Variants in PLXNA4 observed in about 807,000 individuals in gnomAD.
The protein encoded by PLXNA4 is plexin-A4.
In PLXNA4, 44 loss-of-function variants were observed where a neutral mutation model predicts 191.8. That is an observed-to-expected ratio of 0.23 (90% CI 0.18 to 0.29). The LOEUF (loss-of-function observed/expected upper bound fraction) is 0.29, where lower values mean the gene tolerates loss of function less well. Among genes scored for constraint, PLXNA4 ranks in the 10% least tolerant of loss-of-function variants. PLXNA4 has a pLI of 1.00. For missense variants in PLXNA4, 1,800 were observed against 2,488.8 expected, an observed-to-expected ratio of 0.72 and a Z score of 5.89; for synonymous variants, 1,082 against 1,009.5, an observed-to-expected ratio of 1.07 and a Z score of -1.36.
At chr7:132,619,056 T>C (rs1803210340) in intron 2 of PLXNA4, among the ~76,000 whole-genome samples, 2 of 152,192 alleles carry the variant, frequency 1.3e-5, no homozygotes, top group Non-Finnish European at 2.9e-5. Context: ...CTAGACAAGT[T>C]GTGGCTCAGA....
At position 132,131,852 on chromosome 7, in the gene PLXNA4, C is replaced by T. The variant is rs1020377242; in HGVS notation, c.5589+1197G>A. Among the ~76,000 whole-genome samples, 13 of 152,352 alleles carry T rather than the reference C, an allele frequency of 8.5e-5. No homozygotes were observed. In the East Asian group the frequency reaches 2.5e-3, roughly 29 times the overall value. The stretch of plus-strand genomic sequence containing the variant: ...AGGGTCCCTCCCCTAAGGGACCCAG[C>T]ACTGGCTCTCCCATGATGTAAGGGC... On this transcript the variant is annotated intron_variant, in intron 31 of 31. Transcript: ENST00000321063.
intron 1 of PLXNA4, among the ~76,000 whole-genome samples, chr7:132,537,867 G>A (rs575895707): frequency 4.6e-5 from 7 of 152,204 alleles, no homozygotes; most frequent in Admixed American, 2.6e-4. Flanking sequence ...ATGGAGAAGT[G>A]CACGGGCAGT....
In PLXNA4 at chr7:132,179,852, GCA is replaced by G; in HGVS notation, c.3707_3708del (p.Leu1236ProfsTer25). On this transcript the variant is annotated frameshift_variant, in exon 20 of 32. Transcript: ENST00000321063. LOFTEE classifies it high-confidence loss of function. ...VYIAPDSPLS[L>X]PAIVSIAVAG... ...GCCACTGCGATGCTGACGATGGCGG[GCA>G]GGCTGAGCGGGCTGTCCGGGGCAAT... 6.2e-7 allele frequency: 1 copy of G among 1,613,448 alleles called. No homozygotes were observed. Among genetic ancestry groups the G allele is most frequent in the Non-Finnish European group, 8.5e-7 (1 of 1,179,948 alleles).
intron 4 of PLXNA4, among the ~76,000 whole-genome samples, chr7:132,261,249 G>C (rs1229140287): frequency 1.3e-5 from 2 of 152,210 alleles, no homozygotes; most frequent in African/African-American, 4.8e-5. Context: ...GGAGAGCCAA[G>C]GTTGGGAAGG....
At position 132,133,100 on chromosome 7, in the gene PLXNA4, G is replaced by A. The variant is rs759493965; in HGVS notation, c.5538C>T (p.Thr1846=). 6.2e-7 allele frequency: 1 copy of A among 1,614,100 alleles called. No individual in the cohort carries two copies. Among genetic ancestry groups the A allele is most frequent in the African/African-American group, 1.3e-5 (1 of 74,950 alleles). ...QSRMHMNEFN[T]MSALSEIFSY... ...AGAAGATCTCTGAGAGTGCACTCAT[G>A]GTGTTGAACTCATTCATGTGCATCC... The change falls in exon 31 of 32, where the codon ACC becomes ACT. Residue 1846 remains threonine (T), a synonymous_variant. Transcript: ENST00000321063.
intron 2 of PLXNA4, among the ~76,000 whole-genome samples, chr7:132,598,073 T>G (rs1462467130): frequency 6.6e-6 from 1 of 152,208 alleles, no homozygotes; most frequent in East Asian, 1.9e-4. Context: ...TGTGCTATGT[T>G]GCCCTTCAGA....
intron 3 of PLXNA4, among the ~76,000 whole-genome samples, chr7:132,441,383 G>A (rs1022589333): frequency 6.6e-6 from 1 of 152,224 alleles, no homozygotes; most frequent in Non-Finnish European, 1.5e-5. Flanking sequence ...TCAGATCATC[G>A]TGAGTTCTTT....
intron 3 of PLXNA4, among the ~76,000 whole-genome samples, chr7:132,404,597 T>C (rs116545515): frequency 3.6e-4 from 55 of 152,160 alleles, no homozygotes; most frequent in African/African-American, 1.3e-3. Context: ...CACTACAGGG[T>C]AGTGATTAAG....
intron 3 of PLXNA4, among the ~76,000 whole-genome samples, chr7:132,406,911 T>C (rs1027906963): frequency 7.9e-5 from 12 of 151,858 alleles, no homozygotes; most frequent in Admixed American, 7.9e-4. Context: ...AGAGTAGGTG[T>C]TCATTTTGAG....
At chr7:132,437,564 A>G (rs1795521554) in intron 3 of PLXNA4, among the ~76,000 whole-genome samples, 4 of 49,708 alleles carry the variant, frequency 8.0e-5, no homozygotes, top group Admixed American at 6.9e-4. Context: ...TCTGAGGAAA[A>G]AAAAGAAAAA....
chr7:132,178,646 C>G (rs192040206), intron 20 of PLXNA4, among the ~76,000 whole-genome samples: 2 of 152,118 alleles, frequency 1.3e-5, no homozygotes, highest in African/African-American at 4.8e-5. Flanking sequence ...GTAGGATGCA[C>G]AGCCTCCAGC....
chr7:132,288,875 C>G (rs762236581), intron 4 of PLXNA4, among the ~76,000 whole-genome samples: 1 of 152,198 alleles, frequency 6.6e-6, no homozygotes, highest in Non-Finnish European at 1.5e-5. Flanking sequence ...CCAAGACTGT[C>G]AGACTTCACA....
At chr7:132,340,826 T>C (rs1195438239) in intron 3 of PLXNA4, among the ~76,000 whole-genome samples, 1 of 152,174 alleles carries the variant, frequency 6.6e-6, no homozygotes, top group Non-Finnish European at 1.5e-5. Context: ...TACAGACATG[T>C]GCCACCACGC....
At chr7:132,592,925 T>TG (rs767150583) in intron 2 of PLXNA4, among the ~76,000 whole-genome samples, 7 of 151,834 alleles carry the variant, frequency 4.6e-5, no homozygotes. Context: ...TTCACCTTGA[T>TG]GTTATTTTTC....
chr7:132,486,963 T>C (rs1281401739), intron 3 of PLXNA4, among the ~76,000 whole-genome samples: 4 of 152,146 alleles, frequency 2.6e-5, no homozygotes, highest in African/African-American at 9.7e-5. Context: ...GGAACAGATT[T>C]GGACAGGCTT....
At position 132,127,185 on chromosome 7, in the gene PLXNA4, A is replaced by T. The variant is rs947317500; in HGVS notation, c.*3294T>A. ...AATTCCCACCTAAACTTTGTCAGTGATTTTGATGGCTCAGTCTGGTACCAT... is the reference window on the plus strand; with the variant it reads ...AATTCCCACCTAAACTTTGTCAGTGTTTTTGATGGCTCAGTCTGGTACCAT... On this transcript the variant is annotated 3_prime_UTR_variant, in exon 32 of 32. Transcript: ENST00000321063. 3.9e-5 allele frequency: 6 copies of T among 152,194 alleles called. No homozygotes were observed. Among genetic ancestry groups the T allele is most frequent in the African/African-American group, 1.4e-4 (6 of 41,442 alleles). The allele number at this position is 152,194 out of a possible 1,614,324, so 9.4% of individuals were successfully genotyped here. A position where few individuals can be genotyped will look rare whatever the true frequency, so the allele number is the denominator to read the frequency against.
intron 4 of PLXNA4, among the ~76,000 whole-genome samples, chr7:132,260,621 G>A (rs556313099): frequency 1.1e-3 from 167 of 151,476 alleles, no homozygotes; most frequent in Non-Finnish European, 1.9e-3. Context: ...AGCGACACGC[G>A]ATTTACCCAT....
At chr7:132,576,883 G>A (rs1045931296), upstream of PLXNA4, 1 of 151,034 alleles carries the variant, frequency 6.6e-6, no homozygotes, top group African/African-American at 2.4e-5. The surrounding 1 kb of genome is among the most constrained non-coding windows in gnomAD (Gnocchi z 5.8). Flanking sequence ...TGCTCGCCCG[G>A]TCGGGCCGCT....
At chr7:132,373,803 C>T (rs1804544748) in intron 3 of PLXNA4, among the ~76,000 whole-genome samples, 1 of 152,136 alleles carries the variant, frequency 6.6e-6, no homozygotes, top group Admixed American at 6.5e-5. Flanking sequence ...AAATGGGAAA[C>T]TTTCATGGGA....
Sources: allele counts gnomAD v4.1 joint callset (sites outside exome capture counted in the v4.1 genomes callset), GRCh38; gene constraint gnomAD v4.1.1; non-coding constraint Gnocchi (gnomAD v3.1); transcripts MANE v1.5; gene names NCBI Gene and HGNC (gene_info 2026-07-23, HGNC 2026-07-21).